Variants in ST6GALNAC3 observed in about 807,000 individuals in gnomAD.
ST6GALNAC3 encodes alpha-N-acetylgalactosaminide alpha-2,6-sialyltransferase 3.
Under a neutral mutation model 32.7 loss-of-function variants are expected in ST6GALNAC3, and 25 were observed. The observed-to-expected ratio is 0.76, with a 90% CI of 0.56 to 1.07. The LOEUF (loss-of-function observed/expected upper bound fraction) is 1.07, where lower values mean the gene tolerates loss of function less well. Ranked by LOEUF, ST6GALNAC3 falls within the 50% of genes least tolerant of loss-of-function variation. The probability of loss-of-function intolerance (pLI) is 0.00; values close to 1 mark genes in which losing one functional copy is unlikely to be tolerated. For missense variants in ST6GALNAC3, 355 were observed against 382.4 expected (o/e 0.93, Z 0.60); for synonymous variants, 129 against 133.1 (o/e 0.97, Z 0.21).
intron 1 of ST6GALNAC3, among the ~76,000 whole-genome samples, chr1:76,199,969 T>C (rs1316768432): frequency 1.3e-5 from 2 of 152,198 alleles, no homozygotes; most frequent in East Asian, 3.8e-4. Context: ...AGATTCTTGA[T>C]TAAATGAGAG....
chr1:76,228,529 C>T (rs1373696272), intron 1 of ST6GALNAC3, among the ~76,000 whole-genome samples: 7 of 152,274 alleles, frequency 4.6e-5, no homozygotes, highest in Non-Finnish European at 7.3e-5. Flanking sequence ...TGCTTTAATC[C>T]ACCACATTTC....
At chr1:76,137,262 T>A (rs1359638180) in intron 1 of ST6GALNAC3, among the ~76,000 whole-genome samples, 1 of 152,230 alleles carries the variant, frequency 6.6e-6, no homozygotes, top group Non-Finnish European at 1.5e-5. Flanking sequence ...CCTGAGTGTT[T>A]GCAGAGATTC....
chr1:76,193,122 T>A (rs910463145), intron 1 of ST6GALNAC3, among the ~76,000 whole-genome samples: 1 of 151,962 alleles, frequency 6.6e-6, no homozygotes, highest in Non-Finnish European at 1.5e-5. Flanking sequence ...GTAGAAAAAA[T>A]ATCTAATAAT....
intron 1 of ST6GALNAC3, among the ~76,000 whole-genome samples, chr1:76,103,743 G>C (rs923035960): frequency 7.2e-5 from 11 of 152,054 alleles, no homozygotes; most frequent in African/African-American, 2.7e-4. Context: ...TTTGCTTGTA[G>C]CTATCTCTCT....
chr1:76,511,371 C>T (rs1461577991), intron 3 of ST6GALNAC3, among the ~76,000 whole-genome samples: 1 of 152,178 alleles, frequency 6.6e-6, no homozygotes, highest in Non-Finnish European at 1.5e-5. Flanking sequence ...ATTCCGCCTC[C>T]TGGCAGGCAG....
chr1:76,579,913 C>T (rs1646868489), intron 3 of ST6GALNAC3, among the ~76,000 whole-genome samples: 1 of 152,010 alleles, frequency 6.6e-6, no homozygotes, highest in African/African-American at 2.4e-5. Flanking sequence ...TGTTCAATGC[C>T]TAAATCCATT....
intron 3 of ST6GALNAC3, among the ~76,000 whole-genome samples, chr1:76,470,027 T>C (rs1658910910): frequency 6.6e-6 from 1 of 152,126 alleles, no homozygotes; most frequent in Admixed American, 6.6e-5. Context: ...ATATCATTAG[T>C]ATTATGACTT....
chr1:76,261,456 G>T (rs1038198122), intron 1 of ST6GALNAC3, among the ~76,000 whole-genome samples: 3 of 152,174 alleles, frequency 2.0e-5, no homozygotes, highest in Admixed American at 6.5e-5. Flanking sequence ...ACACAAGCCC[G>T]GAGTTGAGCT....
At chr1:76,142,805 C>T (rs1042656921) in intron 1 of ST6GALNAC3, 1 of 450,280 alleles carries the variant, frequency 2.2e-6, no homozygotes, top group Admixed American at 2.4e-5. Flanking sequence ...GCCCCGCTTC[C>T]TTGTCTTGAA....
chr1:76,186,285 C>T (rs1229670385), intron 1 of ST6GALNAC3, among the ~76,000 whole-genome samples: 3 of 152,254 alleles, frequency 2.0e-5, no homozygotes, highest in South Asian at 4.2e-4. Context: ...GACCTCCTGC[C>T]GTGGATTCTC....
At chr1:76,285,791 G>A (rs138097818) in intron 1 of ST6GALNAC3, among the ~76,000 whole-genome samples, 112 of 152,118 alleles carry the variant, frequency 7.4e-4, no homozygotes, top group African/African-American at 2.5e-3. Flanking sequence ...ACAGAACAGC[G>A]AGAAACAGAT....
At chr1:76,131,026 G>A (rs1649573886) in intron 1 of ST6GALNAC3, among the ~76,000 whole-genome samples, 1 of 152,234 alleles carries the variant, frequency 6.6e-6, no homozygotes, top group Admixed American at 6.5e-5. Context: ...CTTGACAAGG[G>A]GGCCAGAAGG....
At chr1:76,603,055 T>C (rs1020470604) in intron 3 of ST6GALNAC3, among the ~76,000 whole-genome samples, 3 of 152,162 alleles carry the variant, frequency 2.0e-5, no homozygotes, top group Non-Finnish European at 4.4e-5. Flanking sequence ...ACTCACCAGA[T>C]TGGCAAAAAT....
chr1:76,333,761 G>T (rs17672606), intron 2 of ST6GALNAC3, among the ~76,000 whole-genome samples: 1 of 151,962 alleles, frequency 6.6e-6, no homozygotes, highest in Non-Finnish European at 1.5e-5. Flanking sequence ...TGAATGTTGG[G>T]CCAGATGCAG....
At chr1:76,110,081 A>G (rs1647816858) in intron 1 of ST6GALNAC3, among the ~76,000 whole-genome samples, 2 of 152,244 alleles carry the variant, frequency 1.3e-5, no homozygotes, top group Admixed American at 1.3e-4. Context: ...AGGACTGGCC[A>G]TGCCCTGTTC....
At chr1:76,310,542 A>G (rs1026883525) in intron 1 of ST6GALNAC3, among the ~76,000 whole-genome samples, 3 of 152,110 alleles carry the variant, frequency 2.0e-5, no homozygotes, top group African/African-American at 4.8e-5. Flanking sequence ...GCCTTTGGGT[A>G]TCGCTGACTC....
intron 3 of ST6GALNAC3, among the ~76,000 whole-genome samples, chr1:76,425,220 A>G (rs1484994109): frequency 6.6e-6 from 1 of 151,924 alleles, no homozygotes; most frequent in Non-Finnish European, 1.5e-5. Context: ...GTGATCAGAT[A>G]CTGTTTTCAT....
intron 2 of ST6GALNAC3, among the ~76,000 whole-genome samples, chr1:76,333,531 T>C (rs1647247597): frequency 6.6e-6 from 1 of 152,212 alleles, no homozygotes; most frequent in South Asian, 2.1e-4. Context: ...TAACTTCTTA[T>C]AATTGCCAAT....
rs6593529 is a variant in ST6GALNAC3, at chr1:76,344,224, C to A, written c.213+30225C>A. Among the ~76,000 whole-genome samples, 800 of 152,316 alleles carry A rather than the reference C, an allele frequency of 5.3e-3. 10 individuals are homozygous for A. The highest frequency in any genetic ancestry group is 0.018 in the African/African-American group (767 of 41,560). ...CTGAATGATGAGAGGGAGCCAAGTA[C>A]ATTGTTATAGGTCAGAAACAGAAAC... On this transcript the variant is annotated intron_variant, in intron 2 of 4. Coordinates refer to ENST00000328299, the MANE Select transcript of ST6GALNAC3 (RefSeq NM_152996.4).
Sources: gnomAD v4.1 joint callset for allele counts (sites outside exome capture counted in the v4.1 genomes callset) on GRCh38, gnomAD v4.1.1 for gene constraint, MANE v1.5 for transcripts, NCBI Gene and HGNC (gene_info 2026-07-23, HGNC 2026-07-21) for gene names.